ZNF503: variants seen among roughly 807,000 people sequenced by gnomAD.
ZNF503 encodes the protein zinc finger protein 503.
Under a neutral mutation model 34.4 loss-of-function variants are expected in ZNF503, and 15 were observed. The observed-to-expected ratio is 0.44, with a 90% CI of 0.29 to 0.67. The LOEUF is 0.67. ZNF503 is among the 30% of genes least tolerant of loss of function. The pLI is 0.13. For synonymous variants in ZNF503, 580 were observed against 456.8 expected, an observed-to-expected ratio of 1.27 and a Z score of -3.44; for missense variants, 1,007 against 926.8, an observed-to-expected ratio of 1.09 and a Z score of -1.12.
At chr10:75,332,475 T>A in the ZNF503 span, among the ~76,000 whole-genome samples, 7 of 151,018 alleles carry the variant, frequency 4.6e-5, no homozygotes, top group Non-Finnish European at 8.8e-5. Context: ...TTTCTTTTTT[T>A]TTTTTTAATT....
At chr10:75,300,688 A>ATTTC in the ZNF503 span, among the ~76,000 whole-genome samples, 1,745 of 126,230 alleles carry the variant, frequency 0.014, 45 homozygotes, top group Non-Finnish European at 0.02. Context: ...ATCTAATAAC[A>ATTTC]TTTCTTTCTT....
the ZNF503 span, among the ~76,000 whole-genome samples, chr10:75,354,672 TG>T: frequency 1.3e-5 from 2 of 152,104 alleles, no homozygotes; most frequent in Admixed American, 1.3e-4. Context: ...ATCATGCCAG[TG>T]CACTCCAGTC....
At chr10:75,331,811 T>C in the ZNF503 span, among the ~76,000 whole-genome samples, 1 of 152,336 alleles carries the variant, frequency 6.6e-6, no homozygotes, top group Non-Finnish European at 1.5e-5. Context: ...TATCTTCCTT[T>C]ATATCTAATA....
downstream of ZNF503, among the ~76,000 whole-genome samples, chr10:75,396,624 G>A (rs1030430452): frequency 5.3e-5 from 8 of 152,200 alleles, no homozygotes; most frequent in African/African-American, 1.9e-4. The surrounding 1 kb of genome is among the most constrained non-coding windows in gnomAD (Gnocchi z 4.4). Context: ...GGCAACAGGG[G>A]TACCTGAGCG....
rs1381393246 is a variant in ZNF503 at position 75,398,608 on chromosome 10, T to TA, written c.*140dup. On this transcript the variant is annotated 3_prime_UTR_variant, in exon 2 of 2. Transcript: ENST00000372524. ...CGGTCGCTGCTGTCGGGTAGATAGA[T>TA]ACGGTATACATTTCTTTCCTTTCGT... 1.4e-6 allele frequency: 1 copy of TA among 710,092 alleles called. No homozygotes were observed. Among genetic ancestry groups the TA allele is most frequent in the African/African-American group, 1.8e-5 (1 of 54,198 alleles). The allele number at this position is 710,092 out of a possible 1,614,324, so 44.0% of individuals were successfully genotyped here.
the ZNF503 span, among the ~76,000 whole-genome samples, chr10:75,320,949 T>A: frequency 6.6e-6 from 1 of 152,164 alleles, no homozygotes; most frequent in African/African-American, 2.4e-5. Flanking sequence ...ACTGACATGG[T>A]TTGGATCCCA....
At chr10:75,332,934 T>C in the ZNF503 span, among the ~76,000 whole-genome samples, 1 of 143,448 alleles carries the variant, frequency 7.0e-6, no homozygotes, top group Non-Finnish European at 1.5e-5. Context: ...CTTTCCCGCC[T>C]TTCTATTCCA....
the ZNF503 span, among the ~76,000 whole-genome samples, chr10:75,369,806 C>T: frequency 2.9e-4 from 44 of 152,200 alleles, 1 homozygote; most frequent in African/African-American, 1.0e-3. Flanking sequence ...CGGGCTAACA[C>T]CTGTAATCCC....
chr10:75,321,767 G>A, the ZNF503 span, among the ~76,000 whole-genome samples: 1 of 152,124 alleles, frequency 6.6e-6, no homozygotes, highest in African/African-American at 2.4e-5. Context: ...AACAACCTAA[G>A]CTCATATGCA....
In ZNF503 at chr10:75,398,656, G is replaced by T; in HGVS notation, c.*93C>A. 2 of 1,166,774 alleles carry T rather than the reference G, an allele frequency of 1.7e-6. No individual in the cohort carries two copies. 72.3% of individuals were successfully genotyped at this position (1,166,774 alleles called of 1,614,324 possible). A position where few individuals can be genotyped will look rare whatever the true frequency, so the allele number is the denominator to read the frequency against. On this transcript the variant is annotated 3_prime_UTR_variant, in exon 2 of 2. Coordinates refer to ENST00000372524, the MANE Select transcript of ZNF503 (RefSeq NM_032772.6). ...CGTGGCCCGAGTCCTCCCCACGCGC[G>T]GGTGTCAGCAGCCTGGGCCGTGATC...
At chr10:75,384,739 AC>A in the ZNF503 span, among the ~76,000 whole-genome samples, 1 of 152,040 alleles carries the variant, frequency 6.6e-6, no homozygotes, top group Non-Finnish European at 1.5e-5. Flanking sequence ...AGTTTGAGGA[AC>A]CCTGACTCCC....
chr10:75,309,160 G>A, the ZNF503 span, among the ~76,000 whole-genome samples: 2 of 152,164 alleles, frequency 1.3e-5, no homozygotes, highest in Non-Finnish European at 2.9e-5. Flanking sequence ...GCTTCTTATG[G>A]ATGAGCAAAG....
the ZNF503 span, among the ~76,000 whole-genome samples, chr10:75,303,893 G>A: frequency 6.7e-6 from 1 of 150,082 alleles, no homozygotes. Context: ...GAGTGCAGTG[G>A]TACAATCTCA....
the ZNF503 span, among the ~76,000 whole-genome samples, chr10:75,341,760 T>C: frequency 6.6e-6 from 1 of 152,202 alleles, no homozygotes; most frequent in African/African-American, 2.4e-5. Context: ...ACAAATTACA[T>C]GTAGGACAGA....
chr10:75,394,094 C>T (rs555019721), downstream of ZNF503, among the ~76,000 whole-genome samples: 1 of 152,330 alleles, frequency 6.6e-6, no homozygotes, highest in South Asian at 2.1e-4. Flanking sequence ...AGCTGTGTAC[C>T]TCAAGCCACT....
At chr10:75,307,481 A>T in the ZNF503 span, among the ~76,000 whole-genome samples, 3 of 152,268 alleles carry the variant, frequency 2.0e-5, no homozygotes, top group African/African-American at 7.2e-5. Flanking sequence ...TCATCTCCAA[A>T]ACATAATAGT....
At chr10:75,392,251 C>A in the ZNF503 span, among the ~76,000 whole-genome samples, 1 of 152,196 alleles carries the variant, frequency 6.6e-6, no homozygotes, top group Admixed American at 6.5e-5. Context: ...CCCTGGTAGG[C>A]ACAGCCCTGT....
At chr10:75,392,353 C>T in the ZNF503 span, among the ~76,000 whole-genome samples, 1 of 152,222 alleles carries the variant, frequency 6.6e-6, no homozygotes, top group African/African-American at 2.4e-5. Flanking sequence ...ACCCAAGTGT[C>T]CTGGTCCCTG....
At chr10:75,388,719 T>C in the ZNF503 span, among the ~76,000 whole-genome samples, 1 of 152,212 alleles carries the variant, frequency 6.6e-6, no homozygotes, top group East Asian at 1.9e-4. Context: ...AAGTGTACAC[T>C]GGGCTGTAGT....
Sources: gnomAD v4.1 joint callset for allele counts (sites outside exome capture counted in the v4.1 genomes callset) on GRCh38, gnomAD v4.1.1 for gene constraint, Gnocchi (gnomAD v3.1) non-coding constraint, MANE v1.5 for transcripts, NCBI Gene and HGNC (gene_info 2026-07-23, HGNC 2026-07-21) for gene names.